SPOCK1: variants seen among roughly 807,000 people sequenced by gnomAD.
SPOCK1 encodes SPARC (osteonectin), cwcv and kazal like domains proteoglycan 1, also known as testican-1.
SPOCK1 carries 23 observed loss-of-function variants against 55.3 expected under a neutral mutation model. The ratio of observed to expected loss-of-function variants is 0.42; its 90% CI spans 0.30 to 0.59. SPOCK1 has a LOEUF of 0.59. Among genes scored for constraint, SPOCK1 ranks in the 20% least tolerant of loss-of-function variants. The pLI, the probability that SPOCK1 is intolerant of heterozygous loss-of-function variation, is 0.22. For missense variants in SPOCK1, 499 were observed against 552.5 expected, an observed-to-expected ratio of 0.90 and a Z score of 0.97; for synonymous variants, 226 against 221.0, an observed-to-expected ratio of 1.02 and a Z score of -0.20.
intron 3 of SPOCK1, among the ~76,000 whole-genome samples, chr5:137,147,854 T>C (rs542540593): frequency 6.6e-6 from 1 of 152,318 alleles, no homozygotes; most frequent in African/African-American, 2.4e-5. Context: ...AACTAGTAGA[T>C]CTATATTTGG....
chr5:137,408,344 G>A (rs1477946091), intron 2 of SPOCK1, among the ~76,000 whole-genome samples: 1 of 152,196 alleles, frequency 6.6e-6, no homozygotes, highest in Non-Finnish European at 1.5e-5. Context: ...GTGGAGGGGA[G>A]AGAGACAGAC....
chr5:137,346,010 C>T (rs747875468), intron 2 of SPOCK1, among the ~76,000 whole-genome samples: 3 of 152,166 alleles, frequency 2.0e-5, no homozygotes, highest in Non-Finnish European at 2.9e-5. Flanking sequence ...TTCGGAAAAG[C>T]GAAGCAGCTG....
intron 4 of SPOCK1, among the ~76,000 whole-genome samples, chr5:137,139,146 G>A (rs1329091934): frequency 6.6e-6 from 1 of 152,150 alleles, no homozygotes; most frequent in African/African-American, 2.4e-5. Flanking sequence ...TTCAGTCTGG[G>A]GACAGAGAAA....
At chr5:137,334,325 AG>A (rs1750191370) in intron 2 of SPOCK1, among the ~76,000 whole-genome samples, 1 of 152,220 alleles carries the variant, frequency 6.6e-6, no homozygotes, top group Admixed American at 6.5e-5. Flanking sequence ...TCCAGCCAAA[AG>A]GAACTATATC....
At chr5:137,125,994 T>G (rs1445820349) in intron 4 of SPOCK1, among the ~76,000 whole-genome samples, 1 of 152,154 alleles carries the variant, frequency 6.6e-6, no homozygotes, top group East Asian at 1.9e-4. Flanking sequence ...AGAAATTGGA[T>G]AGTAATATAG....
At chr5:137,330,226 C>T (rs1244307380) in intron 2 of SPOCK1, among the ~76,000 whole-genome samples, 1 of 152,130 alleles carries the variant, frequency 6.6e-6, no homozygotes, top group African/African-American at 2.4e-5. Context: ...AATCAGAGAC[C>T]CCCCAGACAC....
rs188385355 is a variant in SPOCK1, at chr5:137,209,314, G to A, written c.232+57696C>T. On this transcript the variant is annotated intron_variant, in intron 3 of 10. Transcript: ENST00000394945. Reference sequence around the variant, plus strand: ...TGGGTAATTCGAAGCTATTAAGGCTGCCAAAACCCTAAATAACCAGGCCAT... The same window carrying A: ...TGGGTAATTCGAAGCTATTAAGGCTACCAAAACCCTAAATAACCAGGCCAT... Among the ~76,000 whole-genome samples, 398 of 152,238 alleles carry A rather than the reference G, an allele frequency of 2.6e-3. 5 individuals are homozygous for A. The highest frequency in any genetic ancestry group is 4.0e-3 in the Non-Finnish European group (275 of 68,018).
At chr5:137,008,735 C>T (rs1316300155) in intron 6 of SPOCK1, among the ~76,000 whole-genome samples, 2 of 152,082 alleles carry the variant, frequency 1.3e-5, no homozygotes, top group African/African-American at 4.8e-5. Context: ...TGGCCTTAAA[C>T]ATAATAGTTG....
chr5:137,335,699 T>C (rs1287318021), intron 2 of SPOCK1, among the ~76,000 whole-genome samples: 1 of 152,204 alleles, frequency 6.6e-6, no homozygotes, highest in Non-Finnish European at 1.5e-5. Context: ...AGGCCCACTG[T>C]ATGTGTCCCC....
intron 5 of SPOCK1, among the ~76,000 whole-genome samples, chr5:137,107,181 G>T (rs749037776): frequency 6.6e-6 from 1 of 152,140 alleles, no homozygotes; most frequent in East Asian, 1.9e-4. Flanking sequence ...TACCTTCCTT[G>T]TAAGTTCCAT....
intron 2 of SPOCK1, among the ~76,000 whole-genome samples, chr5:137,473,860 A>C (rs1196196472): frequency 1.3e-5 from 2 of 152,244 alleles, no homozygotes; most frequent in African/African-American, 4.8e-5. Flanking sequence ...TCAATCAATT[A>C]GTGGATAAAG....
At chr5:137,396,590 G>A (rs1406888896) in intron 2 of SPOCK1, among the ~76,000 whole-genome samples, 3 of 152,232 alleles carry the variant, frequency 2.0e-5, no homozygotes, top group Non-Finnish European at 4.4e-5. Context: ...TGCACCTGCA[G>A]CTACCTATGA....
At chr5:137,143,694 T>C (rs892619) in intron 3 of SPOCK1, among the ~76,000 whole-genome samples, 3,224 of 152,308 alleles carry the variant, frequency 0.021, 114 homozygotes, top group African/African-American at 0.074. Context: ...CCAGAGTAAA[T>C]AATCAGTTTT....
At chr5:137,270,924 C>T (rs1260054846) in intron 2 of SPOCK1, among the ~76,000 whole-genome samples, 1 of 152,070 alleles carries the variant, frequency 6.6e-6, no homozygotes. Flanking sequence ...GTCGCCTGAA[C>T]CCGGGAAGCA....
chr5:137,012,378 G>GT (rs1751367666), intron 6 of SPOCK1, among the ~76,000 whole-genome samples: 1 of 152,090 alleles, frequency 6.6e-6, no homozygotes, highest in Non-Finnish European at 1.5e-5. Flanking sequence ...GCATGCAGAG[G>GT]TTATGTTGGT....
At chr5:137,479,936 A>G (rs138218850) in intron 2 of SPOCK1, among the ~76,000 whole-genome samples, 1 of 152,274 alleles carries the variant, frequency 6.6e-6, no homozygotes, top group East Asian at 1.9e-4. Flanking sequence ...TAGAGGGCAT[A>G]CCTTGATGGT....
intron 6 of SPOCK1, among the ~76,000 whole-genome samples, chr5:137,013,462 G>A (rs1286475179): frequency 6.6e-6 from 1 of 152,166 alleles, no homozygotes; most frequent in African/African-American, 2.4e-5. Context: ...GCTTAACCTG[G>A]AGGTTCCCCA....
At chr5:137,144,085 G>A (rs1490567756) in intron 3 of SPOCK1, among the ~76,000 whole-genome samples, 1 of 152,128 alleles carries the variant, frequency 6.6e-6, no homozygotes, top group African/African-American at 2.4e-5. Flanking sequence ...GATGGTCCAC[G>A]ATTCCCTCTC....
At chr5:137,405,429 G>A (rs926878891) in intron 2 of SPOCK1, among the ~76,000 whole-genome samples, 3 of 152,176 alleles carry the variant, frequency 2.0e-5, no homozygotes, top group African/African-American at 7.2e-5. Flanking sequence ...GGTAAAGCTG[G>A]CTGCCCGTTT....
Sources: gnomAD v4.1 joint callset for allele counts (sites outside exome capture counted in the v4.1 genomes callset) on GRCh38, gnomAD v4.1.1 for gene constraint, MANE v1.5 for transcripts, NCBI Gene and HGNC (gene_info 2026-07-23, HGNC 2026-07-21) for gene names.